BCAS3: variants seen among roughly 807,000 people sequenced by gnomAD.
BCAS3 encodes the protein BCAS3 microtubule associated cell migration factor, also known as BCAS4/BCAS3 fusion.
A neutral mutation model predicts 116.1 loss-of-function variants in BCAS3; 53 were observed. The observed-to-expected ratio is 0.46, with a 90% CI of 0.37 to 0.57. The LOEUF (loss-of-function observed/expected upper bound fraction) is 0.57, where lower values mean the gene tolerates loss of function less well. Among genes scored for constraint, BCAS3 ranks in the 20% least tolerant of loss-of-function variants. BCAS3 has a pLI of 0.00. For synonymous variants in BCAS3, 391 were observed against 408.2 expected (o/e 0.96, Z 0.51); for missense variants, 917 against 1,165.4 (o/e 0.79, Z 3.10).
At chr17:60,792,336 G>A (rs1299354072) in intron 6 of BCAS3, among the ~76,000 whole-genome samples, 1 of 152,280 alleles carries the variant, frequency 6.6e-6, no homozygotes, top group South Asian at 2.1e-4. Context: ...CGAGCTGCCC[G>A]CCCTGCCATA....
chr17:61,045,922 T>TAATATATATA (rs2068100184), intron 19 of BCAS3, among the ~76,000 whole-genome samples: 1 of 23,906 alleles, frequency 4.2e-5, no homozygotes, highest in Non-Finnish European at 5.5e-5. Context: ...TTTATATATA[T>TAATATATATA]AATATATATA....
rs2144380599 is a variant in BCAS3, at chr17:61,220,666, C to T, written c.2425+136102C>T. 6.6e-6 allele frequency among the ~76,000 whole-genome samples: 1 copy of T among 151,962 alleles called. No individual in the cohort carries two copies. The highest frequency in any genetic ancestry group is 1.9e-4 in the East Asian group (1 of 5,156). ...AGTTCTTGATCTCTACACCCAGTGA[C>T]AACAGGGTACTCAAAAGGGAACTAG... is the stretch of plus-strand genomic sequence containing the variant. On this transcript the variant is annotated intron_variant, in intron 22 of 23. Transcript: ENST00000407086. This position sits in a 1 kb window ranked among gnomAD's most constrained non-coding sequence, Gnocchi z 4.5.
intron 19 of BCAS3, chr17:61,069,957 G>A (rs1281191868): frequency 6.4e-7 from 1 of 1,573,638 alleles, no homozygotes; most frequent in East Asian, 2.2e-5. Flanking sequence ...AGGCAGTGTT[G>A]AAAGGTGTCC....
chr17:60,832,637 A>G (rs1377287646), intron 7 of BCAS3, among the ~76,000 whole-genome samples: 3 of 152,160 alleles, frequency 2.0e-5, no homozygotes, highest in African/African-American at 4.8e-5. Flanking sequence ...TTTAGATTCC[A>G]AATGTAAAGA....
chr17:60,872,834 T>C (rs1323357140), intron 8 of BCAS3, among the ~76,000 whole-genome samples: 4 of 150,332 alleles, frequency 2.7e-5, no homozygotes, highest in Admixed American at 6.6e-5. Context: ...TATACACACA[T>C]ACACACACAC....
intron 6 of BCAS3, among the ~76,000 whole-genome samples, chr17:60,763,940 C>G (rs1446037634): frequency 1.3e-5 from 2 of 152,172 alleles, no homozygotes; most frequent in South Asian, 2.1e-4. Flanking sequence ...TGTATGTGTC[C>G]AGGAATTTAT....
intron 6 of BCAS3, among the ~76,000 whole-genome samples, chr17:60,785,355 C>T (rs2046203477): frequency 6.6e-6 from 1 of 151,964 alleles, no homozygotes; most frequent in Non-Finnish European, 1.5e-5. Context: ...AATCGGGTTT[C>T]ACCATGTTGG....
chr17:61,018,082 T>C (rs1222706917), intron 16 of BCAS3, among the ~76,000 whole-genome samples: 1 of 152,180 alleles, frequency 6.6e-6, no homozygotes, highest in Non-Finnish European at 1.5e-5. Flanking sequence ...TATTGTTTAC[T>C]AGGCTTTGTA....
intron 22 of BCAS3, among the ~76,000 whole-genome samples, chr17:61,184,824 AAGAC>A (rs2079675322): frequency 6.6e-6 from 1 of 152,140 alleles, no homozygotes; most frequent in South Asian, 2.1e-4. Context: ...TAAGTGAAAA[AAGAC>A]AGACATAAAA....
intron 15 of BCAS3, among the ~76,000 whole-genome samples, chr17:60,996,892 A>G (rs1391172992): frequency 1.3e-5 from 2 of 152,010 alleles, no homozygotes; most frequent in South Asian, 2.1e-4. Context: ...GTTAAATTCT[A>G]CTGACAGATC....
At chr17:61,272,790 C>A (rs921377431) in intron 22 of BCAS3, among the ~76,000 whole-genome samples, 14 of 151,428 alleles carry the variant, frequency 9.2e-5, no homozygotes, top group Admixed American at 4.6e-4. Flanking sequence ...CATTTTGTAT[C>A]AATTTTGCCT....
At chr17:60,685,454 A>C (rs1031668176) in intron 3 of BCAS3, among the ~76,000 whole-genome samples, 3 of 150,988 alleles carry the variant, frequency 2.0e-5, no homozygotes, top group Admixed American at 6.6e-5. Context: ...CCGTCTCAAA[A>C]AAAAAAAAAA....
chr17:60,859,266 T>C (rs182803352), intron 7 of BCAS3, among the ~76,000 whole-genome samples: 4,672 of 152,108 alleles, frequency 0.031, 185 homozygotes, highest in East Asian at 0.091. Context: ...GTCACTGGAG[T>C]TTGGTGTACA....
At chr17:60,833,296 A>G (rs1381865704) in intron 7 of BCAS3, among the ~76,000 whole-genome samples, 1 of 152,206 alleles carries the variant, frequency 6.6e-6, no homozygotes, top group Non-Finnish European at 1.5e-5. Context: ...CTTGAAAAGC[A>G]CTAATAGCAC....
At chr17:60,795,085 T>C (rs1355774204) in intron 6 of BCAS3, among the ~76,000 whole-genome samples, 2 of 152,208 alleles carry the variant, frequency 1.3e-5, no homozygotes, top group African/African-American at 2.4e-5. Context: ...GTGATTTCTT[T>C]CAGCAGTGTT....
rs780249407 is a variant in BCAS3, at chr17:61,130,579, A to T, written c.2425+46015A>T. The T allele has an allele frequency of 4.6e-5, 7 of 152,180 alleles. No individual in the cohort carries two copies. The highest frequency in any genetic ancestry group is 2.9e-5 in the Non-Finnish European group (2 of 68,050). 9.4% of individuals were successfully genotyped at this position (152,180 alleles called of 1,614,324 possible). A position where few individuals can be genotyped will look rare whatever the true frequency, so the allele number is the denominator to read the frequency against. Reference sequence around the variant, plus strand: ...TTTTTATCCTGTCATCCCTGTTCTCAAGAATCTTCAGTTGTATCCCATTTT... The same window carrying T: ...TTTTTATCCTGTCATCCCTGTTCTCTAGAATCTTCAGTTGTATCCCATTTT... On this transcript the variant is annotated intron_variant, in intron 22 of 23. Transcript: ENST00000407086. The surrounding 1 kb of genome is among the most constrained non-coding windows in gnomAD (Gnocchi z 5.0).
rs937954019 is a variant in BCAS3 at position 61,364,561 on chromosome 17, A to G, written c.2426-3766A>G. ...TGAAACCCCATCTTGACAAAAAATT[A>G]GCTGGGCATGGTGGTGCACACCTGT... On this transcript the variant is annotated intron_variant, in intron 22 of 23. Coordinates refer to ENST00000407086, the MANE Select transcript of BCAS3 (RefSeq NM_017679.5). The surrounding 1 kb of genome is among the most constrained non-coding windows in gnomAD (Gnocchi z 5.4). Among the ~76,000 whole-genome samples, 8 of 152,174 alleles carry G rather than the reference A, an allele frequency of 5.3e-5. No homozygotes were observed. The highest frequency in any genetic ancestry group is 1.9e-4 in the African/African-American group (8 of 41,458).
chr17:60,973,489 A>G (rs1447990627), intron 14 of BCAS3, among the ~76,000 whole-genome samples: 1 of 151,830 alleles, frequency 6.6e-6, no homozygotes, highest in Non-Finnish European at 1.5e-5. Flanking sequence ...AAGATATAGA[A>G]TAGTTTTCTT....
intron 7 of BCAS3, among the ~76,000 whole-genome samples, chr17:60,855,085 G>A (rs931828564): frequency 6.0e-5 from 9 of 150,794 alleles, no homozygotes; most frequent in Non-Finnish European, 1.2e-4. Flanking sequence ...GAGTAGCTGG[G>A]ATTACAGATG....
Sources: gnomAD v4.1 joint callset for allele counts (sites outside exome capture counted in the v4.1 genomes callset) on GRCh38, gnomAD v4.1.1 for gene constraint, Gnocchi (gnomAD v3.1) non-coding constraint, MANE v1.5 for transcripts, NCBI Gene and HGNC (gene_info 2026-07-23, HGNC 2026-07-21) for gene names.